Variants in DNAH9 observed in about 807,000 individuals in gnomAD.
The protein encoded by DNAH9 is DNAH9 variant protein.
DNAH9 carries 345 observed loss-of-function variants against 471.6 expected under a neutral mutation model. The observed-to-expected ratio is 0.73, with a 90% confidence interval of 0.67 to 0.80. The LOEUF is 0.80. DNAH9 is among the 30% of genes least tolerant of loss of function. The pLI is 0.00. For missense variants in DNAH9, 5,407 were observed against 5,609.2 expected, an observed-to-expected ratio of 0.96 and a Z score of 1.15; for synonymous variants, 2,093 against 2,123.6, an observed-to-expected ratio of 0.99 and a Z score of 0.40.
chr17:11,736,358 A>G (rs1005160349), intron 28 of DNAH9, among the ~76,000 whole-genome samples: 1 of 152,214 alleles, frequency 6.6e-6, no homozygotes, highest in Admixed American at 6.5e-5. Flanking sequence ...ACAGATCCCA[A>G]TGGGTGAGAT....
rs1227532344 is a variant in DNAH9 at position 11,611,666 on chromosome 17, T to C, written c.790T>C (p.Tyr264His). The part of the protein sequence containing the change: ...FWKSRYEDLK[Y>H]IYNQLRTITV... ...ATATTGCAGGTATGAAGATCTGAAA[T>C]ACATCTATAATCAACTGAGAACAAT... The change falls in exon 4 of 69, where the codon TAC becomes CAC. Residue 264 changes from tyrosine to histidine, a missense_variant. Tyr to His is a moderately conservative substitution (Grantham distance 83). Around this residue, in one of 3 missense-constraint regions of DNAH9, gnomAD observed 767 missense variants for 692.5 expected, o/e 1.11. Coordinates refer to ENST00000262442, the MANE Select transcript of DNAH9 (RefSeq NM_001372.4). 2 of 1,613,996 alleles carry C rather than the reference T, an allele frequency of 1.2e-6. No homozygotes were observed. The highest frequency in any genetic ancestry group is 1.7e-6 in the Non-Finnish European group (2 of 1,179,964).
At chr17:11,906,376 C>T (rs1001621089) in intron 61 of DNAH9, among the ~76,000 whole-genome samples, 2 of 152,020 alleles carry the variant, frequency 1.3e-5, no homozygotes, top group African/African-American at 4.8e-5. Context: ...CCTGTAATCC[C>T]AGCACTTTGG....
chr17:11,730,489 T>C (rs1751182964), intron 28 of DNAH9, among the ~76,000 whole-genome samples: 1 of 152,192 alleles, frequency 6.6e-6, no homozygotes, highest in African/African-American at 2.4e-5. Context: ...CCTGGCTGCT[T>C]TCACCTTTGG....
chr17:11,722,010 T>A (rs1288667935), intron 27 of DNAH9, among the ~76,000 whole-genome samples: 1 of 152,168 alleles, frequency 6.6e-6, no homozygotes, highest in Non-Finnish European at 1.5e-5. Context: ...CCAAGTTCTA[T>A]GTGTGGCCAA....
chr17:11,758,055 C>T (rs972066433), intron 35 of DNAH9, among the ~76,000 whole-genome samples: 1 of 152,136 alleles, frequency 6.6e-6, no homozygotes, highest in Non-Finnish European at 1.5e-5. Context: ...ATCCATAGGC[C>T]AGATCAACAG....
intron 49 of DNAH9, among the ~76,000 whole-genome samples, chr17:11,852,167 CTT>C (rs879542677): frequency 4.6e-5 from 7 of 152,152 alleles, no homozygotes; most frequent in Non-Finnish European, 7.3e-5. Context: ...AAATAATTCT[CTT>C]TGTTTGTGGA....
At chr17:11,677,193 CT>C (rs556435769) in intron 17 of DNAH9, among the ~76,000 whole-genome samples, 95 of 151,968 alleles carry the variant, frequency 6.3e-4, no homozygotes, top group African/African-American at 2.1e-3. Context: ...TCTTCACTGC[CT>C]TTTTTTAATC....
intron 20 of DNAH9, among the ~76,000 whole-genome samples, chr17:11,691,703 T>C (rs2074334538): frequency 6.6e-6 from 1 of 152,230 alleles, no homozygotes; most frequent in Admixed American, 6.5e-5. Flanking sequence ...TGCCAGATAT[T>C]TCAGATACTT....
intron 35 of DNAH9, among the ~76,000 whole-genome samples, chr17:11,759,517 CTTTTTTTTTTTT>C (rs1157505657): frequency 1.2e-5 from 1 of 83,936 alleles, no homozygotes; most frequent in Non-Finnish European, 2.3e-5. Flanking sequence ...ATACACACCA[CTTTTTTTTTTTT>C]TTTTTTTTTT....
chr17:11,849,284 C>T (rs1433243948), intron 49 of DNAH9, among the ~76,000 whole-genome samples: 1 of 152,208 alleles, frequency 6.6e-6, no homozygotes, highest in African/African-American at 2.4e-5. Context: ...CCTCCTGACT[C>T]TCTTGTTCCT....
At chr17:11,685,756 G>A (rs1177306949) in intron 19 of DNAH9, among the ~76,000 whole-genome samples, 1 of 151,580 alleles carries the variant, frequency 6.6e-6, no homozygotes, top group Non-Finnish European at 1.5e-5. Context: ...GGCGGGCACA[G>A]AATTGGAAGG....
intron 51 of DNAH9, among the ~76,000 whole-genome samples, chr17:11,869,938 C>T (rs190747833): frequency 2.4e-3 from 367 of 152,278 alleles, no homozygotes; most frequent in Non-Finnish European, 4.0e-3. Context: ...AGCTGGTGGC[C>T]GGGCTGGAGG....
intron 53 of DNAH9, among the ~76,000 whole-genome samples, chr17:11,879,830 G>A (rs1251241392): frequency 1.3e-5 from 2 of 152,030 alleles, no homozygotes; most frequent in Admixed American, 6.6e-5. Flanking sequence ...ACACCAAAAC[G>A]TTGAAGACAC....
intron 12 of DNAH9, among the ~76,000 whole-genome samples, chr17:11,650,353 G>A (rs2073480043): frequency 6.6e-6 from 1 of 152,174 alleles, no homozygotes; most frequent in South Asian, 2.1e-4. Flanking sequence ...AAGGAAGGAT[G>A]AAGAAGAGAG....
chr17:11,600,829 T>C (rs2072370385), intron 1 of DNAH9, among the ~76,000 whole-genome samples: 1 of 152,172 alleles, frequency 6.6e-6, no homozygotes, highest in South Asian at 2.1e-4. Flanking sequence ...AAAAAACACA[T>C]GACGTAAAAT....
At chr17:11,607,609 G>A (rs571977231) in intron 1 of DNAH9, among the ~76,000 whole-genome samples, 23 of 151,818 alleles carry the variant, frequency 1.5e-4, no homozygotes, top group Non-Finnish European at 1.6e-4. Flanking sequence ...TTACTCTGTC[G>A]CCCAGGCTGG....
intron 48 of DNAH9, among the ~76,000 whole-genome samples, chr17:11,824,990 T>A (rs1297022678): frequency 1.3e-5 from 2 of 152,114 alleles, no homozygotes; most frequent in Non-Finnish European, 2.9e-5. Flanking sequence ...CCTTTTTTTT[T>A]CTTTATTTAC....
chr17:11,728,716 C>G (rs892199613), intron 28 of DNAH9, among the ~76,000 whole-genome samples: 2 of 152,002 alleles, frequency 1.3e-5, no homozygotes, highest in Admixed American at 6.5e-5. Flanking sequence ...AGGGGGGGAA[C>G]GTTTGAATAA....
intron 8 of DNAH9, among the ~76,000 whole-genome samples, chr17:11,635,677 G>A (rs566405438): frequency 6.6e-6 from 1 of 152,204 alleles, no homozygotes; most frequent in South Asian, 2.1e-4. Flanking sequence ...GTCCTACATG[G>A]CCTCATCTCA....
Sources: gnomAD v4.1 joint callset for allele counts (sites outside exome capture counted in the v4.1 genomes callset) on GRCh38, gnomAD v4.1.1 for gene constraint, gnomAD v4.1.1 regional missense constraint, MANE v1.5 for transcripts, NCBI Gene and HGNC (gene_info 2026-07-23, HGNC 2026-07-21) for gene names.